FAM135B: variants seen among roughly 807,000 people sequenced by gnomAD.
The protein encoded by FAM135B is family with sequence similarity 135 member B, also known as protein FAM135B.
In FAM135B, 43 loss-of-function variants were observed where a neutral mutation model predicts 127.7. That is an observed-to-expected ratio of 0.34 (90% CI 0.26 to 0.43). FAM135B has a LOEUF of 0.43. FAM135B is among the 20% of genes least tolerant of loss of function. The probability of loss-of-function intolerance (pLI) is 1.00; values close to 1 mark genes in which losing one functional copy is unlikely to be tolerated. For synonymous variants in FAM135B, 670 were observed against 665.1 expected (o/e 1.01, Z -0.11); for missense variants, 1,558 against 1,725.6 (o/e 0.90, Z 1.72).
chr8:138,149,790 G>A (rs1817973587), intron 13 of FAM135B, among the ~76,000 whole-genome samples: 1 of 151,802 alleles, frequency 6.6e-6, no homozygotes, highest in Non-Finnish European at 1.5e-5. Flanking sequence ...TTCTCCTTTT[G>A]GCTCCACCAC....
chr8:138,429,121 T>C (rs1835063085), intron 1 of FAM135B, among the ~76,000 whole-genome samples: 1 of 152,188 alleles, frequency 6.6e-6, no homozygotes, highest in Non-Finnish European at 1.5e-5. Flanking sequence ...TAAAAGAGTA[T>C]AACGGGGCAT....
At chr8:138,440,962 A>G (rs1180295510) in intron 1 of FAM135B, 2 of 152,202 alleles carry the variant, frequency 1.3e-5, no homozygotes, top group Non-Finnish European at 2.9e-5. Context: ...AGCCTACACT[A>G]GAATACTAAA....
chr8:138,277,785 C>T (rs1281226747), intron 3 of FAM135B, among the ~76,000 whole-genome samples: 2 of 152,300 alleles, frequency 1.3e-5, no homozygotes, highest in Admixed American at 6.5e-5. Flanking sequence ...TATGCATTTA[C>T]TGCTCAACAA....
intron 3 of FAM135B, among the ~76,000 whole-genome samples, chr8:138,280,750 T>G (rs1321532399): frequency 6.6e-6 from 1 of 152,070 alleles, no homozygotes; most frequent in Non-Finnish European, 1.5e-5. Context: ...TTTGGATCGA[T>G]AGGAGTTACA....
chr8:138,487,313 T>G (rs1044688946), intron 1 of FAM135B, among the ~76,000 whole-genome samples: 1 of 151,642 alleles, frequency 6.6e-6, no homozygotes, highest in Non-Finnish European at 1.5e-5. Context: ...ACGGAGGACT[T>G]AGGAGATCCA....
chr8:138,279,300 G>A (rs1196600320), intron 3 of FAM135B, among the ~76,000 whole-genome samples: 1 of 152,212 alleles, frequency 6.6e-6, no homozygotes, highest in African/African-American at 2.4e-5. Flanking sequence ...TAACCAGACT[G>A]TGGGCTTCTC....
chr8:138,354,737 C>T (rs994682592), intron 2 of FAM135B, among the ~76,000 whole-genome samples: 10 of 152,000 alleles, frequency 6.6e-5, no homozygotes, highest in Admixed American at 2.0e-4. Flanking sequence ...AATCAATAAA[C>T]GAAGGAAAAT....
intron 7 of FAM135B, among the ~76,000 whole-genome samples, chr8:138,213,815 A>G (rs1479969584): frequency 6.6e-6 from 1 of 152,188 alleles, no homozygotes; most frequent in East Asian, 1.9e-4. Context: ...ACCCACTTAG[A>G]GGACAGTATC....
chr8:138,423,729 G>A (rs1230113450), intron 1 of FAM135B, among the ~76,000 whole-genome samples: 1 of 152,152 alleles, frequency 6.6e-6, no homozygotes, highest in East Asian at 1.9e-4. Context: ...GGGTTTGAGA[G>A]CAGACAACCT....
chr8:138,375,001 C>T lies in FAM135B; in HGVS notation c.-19-6999G>A, dbSNP rs1241069184. 2.6e-5 allele frequency among the ~76,000 whole-genome samples: 4 copies of T among 151,560 alleles called. No homozygotes were observed. The East Asian group carries it at 7.8e-4, about 29-fold the overall frequency. ...GGAAAATTAACAACAACAACAACAA[C>T]AACAACAACAACAACCCCAGATTAT... On this transcript the variant is annotated intron_variant, in intron 1 of 19. Transcript: ENST00000395297.
chr8:138,413,885 G>A lies in FAM135B; in HGVS notation c.-19-45883C>T, dbSNP rs1297111999. ...GTAAAACGTGCAGAATAAACCTGGG[G>A]GGGTGGGTGACAAGCATTTTTCACC... On this transcript the variant is annotated intron_variant, in intron 1 of 19. Transcript: ENST00000395297. Among the ~76,000 whole-genome samples, 5 of 151,918 alleles carry A rather than the reference G, an allele frequency of 3.3e-5. No individual in the cohort carries two copies. In the East Asian group the frequency reaches 9.7e-4, roughly 29 times the overall value.
intron 1 of FAM135B, among the ~76,000 whole-genome samples, chr8:138,466,436 G>A (rs1837384173): frequency 1.3e-5 from 2 of 152,144 alleles, no homozygotes; most frequent in Admixed American, 1.3e-4. Flanking sequence ...ACGAGAGCAG[G>A]AACAAATGCA....
At chr8:138,327,863 T>C (rs1827908867) in intron 2 of FAM135B, among the ~76,000 whole-genome samples, 1 of 152,142 alleles carries the variant, frequency 6.6e-6, no homozygotes, top group South Asian at 2.1e-4. Flanking sequence ...CAGGAGTTGA[T>C]TTAAGGAAGA....
At position 138,272,949 on chromosome 8, in the gene FAM135B, A is replaced by C. The variant is rs147727588; in HGVS notation, c.158-7107T>G. Among the ~76,000 whole-genome samples the C allele has an allele frequency of 6.6e-3, 1,002 of 152,318 alleles. 12 individuals are homozygous for C. The highest frequency in any genetic ancestry group is 0.017 in the African/African-American group (703 of 41,568). On this transcript the variant is annotated intron_variant, in intron 3 of 19. Coordinates refer to ENST00000395297, the MANE Select transcript of FAM135B (RefSeq NM_015912.4). ...AAAGAACTTACCCAGTGTAAGCCTC[A>C]GTTTCCTCATCTGTGAACTGGGGAT... is the stretch of plus-strand genomic sequence containing the variant.
At chr8:138,348,150 T>TTG (rs1554671496) in intron 2 of FAM135B, among the ~76,000 whole-genome samples, 2,167 of 90,246 alleles carry the variant, frequency 0.024, 155 homozygotes, top group East Asian at 0.13. Context: ...TTTTTTTTTT[T>TTG]TGAGAAGGAA....
intron 14 of FAM135B, 136 bp downstream of exon 14, chr8:138,148,384 T>A: frequency 1.4e-6 from 1 of 713,158 alleles, no homozygotes; most frequent in Non-Finnish European, 2.3e-6. Flanking sequence ...TTTCCTTAGA[T>A]TCATCATAAT....
intron 1 of FAM135B, among the ~76,000 whole-genome samples, chr8:138,457,113 G>C (rs1418051093): frequency 1.4e-5 from 2 of 145,222 alleles, no homozygotes; most frequent in Non-Finnish European, 3.0e-5. Context: ...AGGGATAAGG[G>C]ATGGCCAGCA....
intron 1 of FAM135B, among the ~76,000 whole-genome samples, chr8:138,390,223 G>A (rs1034813350): frequency 1.3e-5 from 2 of 152,112 alleles, no homozygotes; most frequent in African/African-American, 2.4e-5. Flanking sequence ...ATCTCATCTC[G>A]AATTGTAGCT....
In FAM135B at chr8:138,211,141, C is replaced by G. The variant is rs187734267; in HGVS notation, c.670-13472G>C. Among the ~76,000 whole-genome samples the G allele has an allele frequency of 2.5e-3, 374 of 152,272 alleles. 1 individual carries two copies. The highest frequency in any genetic ancestry group is 8.6e-3 in the African/African-American group (357 of 41,562). On this transcript the variant is annotated intron_variant, in intron 7 of 19. Transcript: ENST00000395297. ...CAGATCAGGCTATTCTAAGGGATCA[C>G]TAAACGACATGGGAGACCACTTAGT...
Sources: allele counts gnomAD v4.1 joint callset (sites outside exome capture counted in the v4.1 genomes callset), GRCh38; gene constraint gnomAD v4.1.1; transcripts MANE v1.5; gene names NCBI Gene and HGNC (gene_info 2026-07-23, HGNC 2026-07-21).